The following GNG2 variants were observed in gnomAD, a reference collection of about 807,000 sequenced individuals.
The protein encoded by GNG2 is guanine nucleotide-binding protein G(I)/G(S)/G(O) subunit gamma-2.
GNG2 carries 5 observed loss-of-function variants against 5.5 expected under a neutral mutation model. The observed-to-expected ratio is 0.91, with a 90% CI of 0.48 to 1.92. GNG2 has a LOEUF of 1.92. Ranked by LOEUF, GNG2 falls within the 30% of genes most tolerant of loss-of-function variation. The probability of loss-of-function intolerance (pLI) is 0.01; values close to 1 mark genes in which losing one functional copy is unlikely to be tolerated. For synonymous variants in GNG2, 28 were observed against 32.0 expected (o/e 0.88, Z 0.42); for missense variants, 55 against 88.4 (o/e 0.62, Z 1.52).
At chr14:51,845,363 G>A (rs940305090) in intron 2 of GNG2, among the ~76,000 whole-genome samples, 5 of 152,136 alleles carry the variant, frequency 3.3e-5, no homozygotes, top group Non-Finnish European at 7.3e-5. Context: ...ATGGTGGTGC[G>A]CATCTGTGTG....
At chr14:51,863,385 G>T (rs1882655749) in intron 1 of GNG2, among the ~76,000 whole-genome samples, 1 of 152,150 alleles carries the variant, frequency 6.6e-6, no homozygotes, top group Non-Finnish European at 1.5e-5. Context: ...TTGCTTTTGT[G>T]TGCGGATAAG....
intron 2 of GNG2, among the ~76,000 whole-genome samples, chr14:51,833,567 A>G (rs908504880): frequency 6.6e-6 from 1 of 152,210 alleles, no homozygotes; most frequent in Non-Finnish European, 1.5e-5. Flanking sequence ...TGCCTCTTCA[A>G]AAGGTGGAGA....
intron 2 of GNG2, chr14:51,841,529 AG>A (rs1226468352): frequency 1.4e-6 from 1 of 702,246 alleles, no homozygotes; most frequent in East Asian, 2.7e-5. Context: ...AGCATAGAAA[AG>A]TCACACAGCT....
At chr14:51,866,631 G>C (rs1253718385) in intron 1 of GNG2, among the ~76,000 whole-genome samples, 1 of 151,702 alleles carries the variant, frequency 6.6e-6, no homozygotes, top group Non-Finnish European at 1.5e-5. Context: ...TGGCAGATTT[G>C]ATGTCTGGCA....
At chr14:51,892,273 T>C (rs1407882342) in intron 2 of GNG2, among the ~76,000 whole-genome samples, 3 of 152,082 alleles carry the variant, frequency 2.0e-5, no homozygotes, top group African/African-American at 7.2e-5. Context: ...TTTCAAGCAA[T>C]ATCGAGCCTG....
At chr14:51,934,247 A>T (rs1887831548) in intron 2 of GNG2, among the ~76,000 whole-genome samples, 1 of 152,216 alleles carries the variant, frequency 6.6e-6, no homozygotes, top group African/African-American at 2.4e-5. Context: ...GAGTCAAAGA[A>T]TCACTAGTGT....
intron 2 of GNG2, among the ~76,000 whole-genome samples, chr14:51,938,838 G>A (rs191387473): frequency 6.6e-6 from 1 of 152,348 alleles, no homozygotes; most frequent in African/African-American, 2.4e-5. Context: ...CACCAGGGTA[G>A]TCTCCCTGAA....
intron 2 of GNG2, among the ~76,000 whole-genome samples, chr14:51,934,418 T>A (rs1320761891): frequency 1.1e-4 from 16 of 152,232 alleles, no homozygotes; most frequent in Admixed American, 1.0e-3. Context: ...AACTTCACTC[T>A]ACTGAGAGAG....
chr14:51,953,821 A>G (rs935257968), intron 3 of GNG2, among the ~76,000 whole-genome samples: 8 of 152,156 alleles, frequency 5.3e-5, no homozygotes, highest in African/African-American at 1.9e-4. Context: ...CCTACTTTCC[A>G]TACATGATCC....
intron 2 of GNG2, among the ~76,000 whole-genome samples, chr14:51,830,317 C>G (rs7159833): frequency 6.6e-6 from 1 of 152,088 alleles, no homozygotes; most frequent in African/African-American, 2.4e-5. Flanking sequence ...CTTCTCTATC[C>G]ATACCCCCTT....
intron 3 of GNG2, among the ~76,000 whole-genome samples, chr14:51,953,395 A>T (rs1019019377): frequency 1.3e-5 from 2 of 152,346 alleles, no homozygotes; most frequent in Admixed American, 6.5e-5. Flanking sequence ...TGACGCAAAC[A>T]AGATATCCAA....
chr14:51,865,216 G>A (rs1247617314), intron 1 of GNG2, among the ~76,000 whole-genome samples: 2 of 152,102 alleles, frequency 1.3e-5, no homozygotes, highest in South Asian at 2.1e-4. Context: ...TTTATTTAAT[G>A]TGCACATCTA....
At chr14:51,906,955 C>T (rs1428012389) in intron 2 of GNG2, among the ~76,000 whole-genome samples, 4 of 152,034 alleles carry the variant, frequency 2.6e-5, no homozygotes, top group Non-Finnish European at 5.9e-5. Flanking sequence ...CGGGGTTTCA[C>T]CGTGTTAGCC....
rs537064664 is a variant in GNG2, at chr14:51,889,767, G to A, written c.-30+12110G>A. On this transcript the variant is annotated intron_variant, in intron 2 of 3. Transcript: ENST00000556766. ...TGACATCTAGAGATAAATTGTGTTC[G>A]CAGATACAAGGTAGTTCAGTGCCGT... Among the ~76,000 whole-genome samples the A allele has an allele frequency of 4.7e-3, 718 of 152,250 alleles. 3 individuals are homozygous for A. Among genetic ancestry groups the A allele is most frequent in the Admixed American group, 9.0e-3 (137 of 15,288 alleles).
chr14:51,841,835 GA>G (rs1216562740), intron 2 of GNG2, among the ~76,000 whole-genome samples: 1 of 152,146 alleles, frequency 6.6e-6, no homozygotes, highest in Admixed American at 6.5e-5. Flanking sequence ...AGGCAATGCA[GA>G]CTCCATCAAG....
intron 2 of GNG2, among the ~76,000 whole-genome samples, chr14:51,892,104 AT>A (rs11354444): frequency 0.26 from 39,238 of 152,010 alleles, 6,498 homozygotes; most frequent in Non-Finnish European, 0.37. Flanking sequence ...AGTTCTCTGA[AT>A]TTTAATTTTT....
intron 2 of GNG2, among the ~76,000 whole-genome samples, chr14:51,846,380 T>C (rs1384001774): frequency 2.0e-5 from 3 of 152,204 alleles, no homozygotes; most frequent in Non-Finnish European, 4.4e-5. Flanking sequence ...ATTTTTCTTA[T>C]GTGGTTTTAT....
chr14:51,885,404 C>T (rs1388664947), intron 2 of GNG2, among the ~76,000 whole-genome samples: 1 of 152,098 alleles, frequency 6.6e-6, no homozygotes, highest in Non-Finnish European at 1.5e-5. Flanking sequence ...TTCTAAGAGC[C>T]ATCTGATGTT....
intron 2 of GNG2, among the ~76,000 whole-genome samples, chr14:51,886,227 T>C (rs1382080499): frequency 1.3e-5 from 2 of 152,190 alleles, no homozygotes; most frequent in East Asian, 1.9e-4. Context: ...TTTCCTCACA[T>C]TTTAAAATCT....
Sources: gnomAD v4.1 joint callset for allele counts (sites outside exome capture counted in the v4.1 genomes callset) on GRCh38, gnomAD v4.1.1 for gene constraint, MANE v1.5 for transcripts, NCBI Gene and HGNC (gene_info 2026-07-23, HGNC 2026-07-21) for gene names.